The following L3MBTL3 variants were observed in gnomAD, a reference collection of about 807,000 sequenced individuals.
L3MBTL3 encodes L3MBTL histone methyl-lysine binding protein 3.
L3MBTL3 carries 27 observed loss-of-function variants against 102.3 expected under a neutral mutation model. That is an observed-to-expected ratio of 0.26 (90% confidence interval 0.19 to 0.36). The LOEUF (loss-of-function observed/expected upper bound fraction) is 0.36. Among genes scored for constraint, L3MBTL3 ranks in the 10% least tolerant of loss-of-function variants. The probability of loss-of-function intolerance (pLI) is 1.00; values close to 1 mark genes in which losing one functional copy is unlikely to be tolerated. For synonymous variants in L3MBTL3, 340 were observed against 320.9 expected (o/e 1.06, Z -0.64); for missense variants, 798 against 955.3 (o/e 0.84, Z 2.17).
intron 16 of L3MBTL3, among the ~76,000 whole-genome samples, chr6:130,086,972 CATATT>C (rs1783729839): frequency 6.6e-6 from 1 of 152,168 alleles, no homozygotes; most frequent in Non-Finnish European, 1.5e-5. Context: ...ACCCTGTTCT[CATATT>C]ATTTAACATT....
At chr6:130,057,235 T>G (rs915282754) in intron 8 of L3MBTL3, among the ~76,000 whole-genome samples, 171 bp from the exon 9 acceptor site, 4 of 152,232 alleles carry the variant, frequency 2.6e-5, no homozygotes, top group African/African-American at 9.6e-5. Context: ...CACAGTTCAC[T>G]TTTTATCTTG....
chr6:130,059,608 T>G (rs1319790497), intron 9 of L3MBTL3, among the ~76,000 whole-genome samples: 4 of 152,242 alleles, frequency 2.6e-5, no homozygotes, highest in Admixed American at 6.5e-5. Flanking sequence ...CAAAAAGAAT[T>G]TTTTGATTGA....
intron 19 of L3MBTL3, among the ~76,000 whole-genome samples, chr6:130,111,822 A>C (rs1044313422): frequency 2.0e-5 from 3 of 152,146 alleles, no homozygotes; most frequent in Non-Finnish European, 4.4e-5. Context: ...GTCCAGACTC[A>C]AATATTTATG....
At chr6:130,030,998 A>G (rs1174086137) in intron 2 of L3MBTL3, among the ~76,000 whole-genome samples, 1 of 152,174 alleles carries the variant, frequency 6.6e-6, no homozygotes, top group Non-Finnish European at 1.5e-5. Context: ...TGGGCTTTGT[A>G]TGATTACCCC....
chr6:130,126,307 T>C (rs1482590485), intron 20 of L3MBTL3, among the ~76,000 whole-genome samples: 2 of 152,196 alleles, frequency 1.3e-5, no homozygotes, highest in Non-Finnish European at 2.9e-5. Flanking sequence ...TGGAGAGAAC[T>C]GAATTCTACT....
In L3MBTL3 at chr6:130,065,401, C is replaced by A. The variant is rs558078647; in HGVS notation, c.865-952C>A. On this transcript the variant is annotated intron_variant, in intron 10 of 22. Transcript: ENST00000361794. ...TCATATACCCATAAATACATGTGGA[C>A]CCCCACATGTCTAATTTTCTCATAA... Among the ~76,000 whole-genome samples, 6 of 152,176 alleles carry A rather than the reference C, an allele frequency of 3.9e-5. No homozygotes were observed. The East Asian group carries it at 9.7e-4, about 24-fold the overall frequency.
At chr6:130,075,521 C>T (rs1782894903) in intron 13 of L3MBTL3, among the ~76,000 whole-genome samples, 2 of 152,128 alleles carry the variant, frequency 1.3e-5, no homozygotes, top group African/African-American at 4.8e-5. Context: ...TAATACCTGT[C>T]CCATCAGGTG....
At chr6:130,069,802 A>G (rs551768285) in intron 12 of L3MBTL3, among the ~76,000 whole-genome samples, 1 of 152,322 alleles carries the variant, frequency 6.6e-6, no homozygotes, top group South Asian at 2.1e-4. Flanking sequence ...TGGGCTCTCC[A>G]TTTCGTATCT....
At chr6:130,054,069 A>G (rs1781296093) in intron 7 of L3MBTL3, among the ~76,000 whole-genome samples, 1 of 152,222 alleles carries the variant, frequency 6.6e-6, no homozygotes, top group South Asian at 2.1e-4. Context: ...CCTCTCAAAG[A>G]CGATGGCATG....
intron 2 of L3MBTL3, among the ~76,000 whole-genome samples, chr6:130,033,351 G>C (rs368563426): frequency 6.6e-6 from 1 of 151,844 alleles, no homozygotes; most frequent in East Asian, 1.9e-4. Context: ...GACAGTTAAC[G>C]GTTAGTGAGT....
chr6:130,133,356 C>T lies in L3MBTL3; in HGVS notation c.1967-96C>T. 1 of 1,182,702 alleles carries T rather than the reference C, an allele frequency of 8.5e-7. No homozygotes were observed. Among genetic ancestry groups the T allele is most frequent in the Non-Finnish European group, 1.2e-6 (1 of 815,608 alleles). 73.3% of individuals were successfully genotyped at this position (1,182,702 alleles called of 1,614,324 possible). On this transcript the variant is annotated intron_variant, in intron 20 of 22. Transcript: ENST00000361794. The surrounding 1 kb of genome is among the most constrained non-coding windows in gnomAD (Gnocchi z 4.9). ...CTGAAAGGAACCAATGCTTTAACCA[C>T]TCCCACCTCCAGTCTCGTTATCTGG...
intron 16 of L3MBTL3, among the ~76,000 whole-genome samples, chr6:130,087,690 A>G (rs1037812584): frequency 2.0e-5 from 3 of 152,202 alleles, no homozygotes; most frequent in Non-Finnish European, 2.9e-5. Flanking sequence ...AGTGCTGTTT[A>G]TAGTACTTAA....
At position 130,133,178 on chromosome 6, in the gene L3MBTL3, TATCTGAAGCATTAAAGAG is replaced by T. The variant is rs1415490434; in HGVS notation, c.1967-272_1967-255del. Among the ~76,000 whole-genome samples the T allele has an allele frequency of 6.6e-6, 1 of 152,226 alleles. No individual in the cohort carries two copies. The highest frequency in any genetic ancestry group is 1.5e-5 in the Non-Finnish European group (1 of 68,036). On this transcript the variant is annotated intron_variant, in intron 20 of 22. Transcript: ENST00000361794. The surrounding 1 kb of genome is among the most constrained non-coding windows in gnomAD (Gnocchi z 4.9). ...CATTAAAACTTTGAGGCACGTTTCTTATCTGAAGCATTAAAGAGACAACGTTGAACAACATAATGAAGC... is the reference window on the plus strand; with the variant it reads ...CATTAAAACTTTGAGGCACGTTTCTTACAACGTTGAACAACATAATGAAGC...
intron 14 of L3MBTL3, among the ~76,000 whole-genome samples, chr6:130,080,182 A>G (rs1323975617): frequency 6.6e-6 from 1 of 151,574 alleles, no homozygotes; most frequent in Non-Finnish European, 1.5e-5. Flanking sequence ...TGAGCCCAGG[A>G]GTTTGAGGCT....
chr6:130,076,822 A>T (rs182425850), intron 13 of L3MBTL3, among the ~76,000 whole-genome samples: 58 of 152,262 alleles, frequency 3.8e-4, no homozygotes, highest in Non-Finnish European at 5.7e-4. Context: ...AATATAAGTA[A>T]AATAGATAAA....
chr6:130,082,593 T>A (rs932714901), intron 14 of L3MBTL3, among the ~76,000 whole-genome samples: 18 of 152,186 alleles, frequency 1.2e-4, no homozygotes, highest in South Asian at 2.1e-4. Context: ...TTTGAGAACT[T>A]CTTATTTTCT....
At chr6:130,061,431 T>G (rs903932936) in intron 10 of L3MBTL3, among the ~76,000 whole-genome samples, 1 of 152,184 alleles carries the variant, frequency 6.6e-6, no homozygotes, top group Non-Finnish European at 1.5e-5. Context: ...GGCAGAACCC[T>G]TTCCCTCCCA....
At chr6:130,068,931 T>C (rs866962193) in intron 12 of L3MBTL3, among the ~76,000 whole-genome samples, 1 of 152,210 alleles carries the variant, frequency 6.6e-6, no homozygotes, top group Non-Finnish European at 1.5e-5. Context: ...TGTTCCTCCA[T>C]TGGCCGACTT....
intron 18 of L3MBTL3, among the ~76,000 whole-genome samples, chr6:130,103,626 A>C (rs926545446): frequency 1.3e-5 from 2 of 152,208 alleles, no homozygotes; most frequent in African/African-American, 2.4e-5. Flanking sequence ...TTATTTGGGG[A>C]GGCCCATGTA....
Sources: gnomAD v4.1 joint callset for allele counts (sites outside exome capture counted in the v4.1 genomes callset) on GRCh38, gnomAD v4.1.1 for gene constraint, Gnocchi (gnomAD v3.1) non-coding constraint, MANE v1.5 for transcripts, NCBI Gene and HGNC (gene_info 2026-07-23, HGNC 2026-07-21) for gene names.